The following VAV3 variants were observed in gnomAD, a reference collection of about 807,000 sequenced individuals.
VAV3 encodes vav guanine nucleotide exchange factor 3.
A neutral mutation model predicts 131.2 loss-of-function variants in VAV3; 94 were observed. The ratio of observed to expected loss-of-function variants is 0.72; its 90% CI spans 0.61 to 0.85. The LOEUF (loss-of-function observed/expected upper bound fraction) is 0.85, where lower values mean the gene tolerates loss of function less well. Ranked by LOEUF, VAV3 falls within the 40% of genes least tolerant of loss-of-function variation. The pLI is 0.00. For missense variants in VAV3, 939 were observed against 1,002.7 expected, an observed-to-expected ratio of 0.94 and a Z score of 0.86; for synonymous variants, 349 against 342.0, an observed-to-expected ratio of 1.02 and a Z score of -0.22.
At chr1:107,579,598 A>G (rs1001505899) in intron 25 of VAV3, among the ~76,000 whole-genome samples, 1 of 152,194 alleles carries the variant, frequency 6.6e-6, no homozygotes, top group Non-Finnish European at 1.5e-5. Context: ...AGGTATCTAT[A>G]TCATTCCTAC....
At chr1:107,812,164 G>A (rs969653089) in intron 2 of VAV3, among the ~76,000 whole-genome samples, 6 of 152,130 alleles carry the variant, frequency 3.9e-5, no homozygotes, top group African/African-American at 1.4e-4. Context: ...TGGCTTACAG[G>A]AAACTTCCTG....
At chr1:107,752,915 T>C (rs1300002905) in intron 12 of VAV3, among the ~76,000 whole-genome samples, 1 of 152,062 alleles carries the variant, frequency 6.6e-6, no homozygotes, top group Non-Finnish European at 1.5e-5. Context: ...ATTAACATAA[T>C]GACCATACAA....
chr1:107,929,861 GA>G (rs1219238065), intron 1 of VAV3, among the ~76,000 whole-genome samples: 1 of 152,100 alleles, frequency 6.6e-6, no homozygotes, highest in Non-Finnish European at 1.5e-5. Flanking sequence ...AGCCATAAAG[GA>G]AAATGAGATC....
At chr1:107,815,488 G>A (rs951792880) in intron 2 of VAV3, among the ~76,000 whole-genome samples, 9 of 152,170 alleles carry the variant, frequency 5.9e-5, no homozygotes, top group South Asian at 4.1e-4. Context: ...ACTGTTCCAG[G>A]CTGCCTGGTT....
intron 26 of VAV3, 81 bp downstream of exon 26, chr1:107,573,966 T>A (rs1158768015): frequency 6.4e-7 from 1 of 1,562,262 alleles, no homozygotes; most frequent in African/African-American, 1.4e-5. Flanking sequence ...TAGAGGCTTC[T>A]CCCTGGTGCC....
intron 9 of VAV3, among the ~76,000 whole-genome samples, chr1:107,761,944 T>G (rs1664460250): frequency 6.6e-6 from 1 of 152,180 alleles, no homozygotes; most frequent in Non-Finnish European, 1.5e-5. Context: ...AAGGTTTATT[T>G]TAAAATAGTA....
chr1:107,637,379 T>C (rs547783182), intron 20 of VAV3, among the ~76,000 whole-genome samples: 92 of 152,240 alleles, frequency 6.0e-4, no homozygotes, highest in African/African-American at 2.1e-3. Flanking sequence ...TCCTAGCACT[T>C]TGGGAGGCTG....
intron 2 of VAV3, among the ~76,000 whole-genome samples, chr1:107,803,025 A>G (rs1334393117): frequency 6.6e-6 from 1 of 151,168 alleles, no homozygotes; most frequent in Non-Finnish European, 1.5e-5. Context: ...GTTGCTCCTT[A>G]TTGGTTTGCT....
intron 1 of VAV3, among the ~76,000 whole-genome samples, chr1:107,898,406 A>G (rs1347046330): frequency 1.3e-5 from 2 of 152,180 alleles, no homozygotes; most frequent in African/African-American, 4.8e-5. Flanking sequence ...TTTGTTATCA[A>G]CTCCATGAAG....
intron 2 of VAV3, among the ~76,000 whole-genome samples, chr1:107,814,540 G>C (rs1322768943): frequency 6.6e-6 from 1 of 152,064 alleles, no homozygotes; most frequent in African/African-American, 2.4e-5. Flanking sequence ...GTCCCTTGTA[G>C]AATGAATATA....
intron 10 of VAV3, among the ~76,000 whole-genome samples, chr1:107,760,298 G>A (rs1664339997): frequency 1.3e-5 from 2 of 152,110 alleles, no homozygotes; most frequent in South Asian, 4.1e-4. Flanking sequence ...CCATAGCTTT[G>A]TGGGCTATAA....
At chr1:107,729,757 A>G (rs1257116750) in intron 15 of VAV3, among the ~76,000 whole-genome samples, 1 of 152,238 alleles carries the variant, frequency 6.6e-6, no homozygotes, top group Non-Finnish European at 1.5e-5. Flanking sequence ...GAAAATATGA[A>G]TTATCTCATT....
intron 12 of VAV3, among the ~76,000 whole-genome samples, chr1:107,754,183 C>T (rs746256575): frequency 6.6e-6 from 1 of 152,096 alleles, no homozygotes; most frequent in Non-Finnish European, 1.5e-5. Flanking sequence ...CCTTAAATAT[C>T]ATGCCAAGGA....
At chr1:107,748,266 T>C (rs946379675) in intron 15 of VAV3, among the ~76,000 whole-genome samples, 4 of 152,230 alleles carry the variant, frequency 2.6e-5, no homozygotes, top group Non-Finnish European at 4.4e-5. Context: ...GGGTATCCTA[T>C]ATATTTCTAC....
intron 20 of VAV3, among the ~76,000 whole-genome samples, chr1:107,641,570 G>A (rs984040661): frequency 2.0e-5 from 3 of 152,038 alleles, no homozygotes; most frequent in Non-Finnish European, 4.4e-5. Context: ...AAGGTCCACC[G>A]GCCAAGAGAG....
chr1:107,757,346 GT>G lies in VAV3; in HGVS notation c.1018-18del. 1 of 1,597,274 alleles carries G rather than the reference GT, an allele frequency of 6.3e-7. No homozygotes were observed. The highest frequency in any genetic ancestry group is 8.5e-7 in the Non-Finnish European group (1 of 1,172,384). On this transcript the variant is annotated intron_variant, in intron 10 of 26. Transcript: ENST00000370056. ...GACCAGTTCCTATTTGGAAGATATGGTTTAGTACTACTTTCATCAAATTAAA... is the reference window on the plus strand; with the variant it reads ...GACCAGTTCCTATTTGGAAGATATGGTTAGTACTACTTTCATCAAATTAAA...
intron 9 of VAV3, among the ~76,000 whole-genome samples, chr1:107,762,189 C>G (rs1664480159): frequency 1.3e-5 from 2 of 151,056 alleles, no homozygotes; most frequent in Admixed American, 1.3e-4. Context: ...AATCCTGACA[C>G]AATTGCACAT....
At chr1:107,704,153 T>A (rs1193093474) in intron 17 of VAV3, among the ~76,000 whole-genome samples, 5 of 152,190 alleles carry the variant, frequency 3.3e-5, no homozygotes, top group Admixed American at 6.5e-5. Flanking sequence ...GCTAAATATT[T>A]AAAAGAATAA....
At chr1:107,845,065 G>A (rs1171414383) in intron 2 of VAV3, among the ~76,000 whole-genome samples, 1 of 152,176 alleles carries the variant, frequency 6.6e-6, no homozygotes, top group African/African-American at 2.4e-5. Flanking sequence ...GCTCCGGCTG[G>A]CATCTGGTGG....
Sources: gnomAD v4.1 joint callset for allele counts (sites outside exome capture counted in the v4.1 genomes callset) on GRCh38, gnomAD v4.1.1 for gene constraint, MANE v1.5 for transcripts, NCBI Gene and HGNC (gene_info 2026-07-23, HGNC 2026-07-21) for gene names.